The following UNC79 variants were observed in gnomAD, a reference collection of about 807,000 sequenced individuals.
UNC79 encodes the protein protein unc-79 homolog.
Under a neutral mutation model 283.1 loss-of-function variants are expected in UNC79, and 37 were observed. The ratio of observed to expected loss-of-function variants is 0.13; its 90% confidence interval spans 0.10 to 0.17. UNC79 has a LOEUF of 0.17. Among genes scored for constraint, UNC79 ranks in the 10% least tolerant of loss-of-function variants. The pLI, the probability that UNC79 is intolerant of heterozygous loss-of-function variation, is 1.00. For missense variants in UNC79, 2,272 were observed against 3,211.1 expected (o/e 0.71, Z 7.07); for synonymous variants, 1,107 against 1,200.2 (o/e 0.92, Z 1.61).
At chr14:93,448,603 A>G (rs1442790503) in intron 1 of UNC79, among the ~76,000 whole-genome samples, 2 of 152,134 alleles carry the variant, frequency 1.3e-5, no homozygotes, top group Non-Finnish European at 2.9e-5. Context: ...GATATAATGA[A>G]TGTTAAGTTT....
intron 41 of UNC79, among the ~76,000 whole-genome samples, chr14:93,680,585 A>G (rs1015323569): frequency 3.3e-5 from 5 of 152,060 alleles, no homozygotes; most frequent in Admixed American, 3.3e-4. Flanking sequence ...TTAGATAGCT[A>G]TTTATTTATT....
chr14:93,476,795 T>G (rs2057825028), intron 3 of UNC79, among the ~76,000 whole-genome samples: 1 of 152,314 alleles, frequency 6.6e-6, no homozygotes, highest in South Asian at 2.1e-4. Context: ...ATAGTTATGG[T>G]TTTGTTGCAT....
chr14:93,385,438 A>G (rs971530178), intron 1 of UNC79, among the ~76,000 whole-genome samples: 9 of 152,140 alleles, frequency 5.9e-5, no homozygotes, highest in African/African-American at 2.2e-4. Context: ...TGTAAATAGG[A>G]TTACTTTCTT....
chr14:93,431,709 C>T (rs1178480440), intron 1 of UNC79, among the ~76,000 whole-genome samples: 1 of 152,206 alleles, frequency 6.6e-6, no homozygotes, highest in Admixed American at 6.5e-5. Context: ...AAAGAGCAGG[C>T]TTCCTTTGTA....
intron 33 of UNC79, among the ~76,000 whole-genome samples, chr14:93,642,578 A>T (rs140411542): frequency 1.3e-5 from 2 of 152,288 alleles, no homozygotes; most frequent in Admixed American, 6.5e-5. Context: ...TGGAAGGTCC[A>T]CACAGGTCAT....
intron 1 of UNC79, among the ~76,000 whole-genome samples, chr14:93,395,444 A>G (rs144620504): frequency 6.5e-4 from 99 of 152,320 alleles, no homozygotes; most frequent in African/African-American, 2.1e-3. Flanking sequence ...ACATCTTACC[A>G]TGGTGGAGCA....
At chr14:93,447,162 G>A (rs930643052) in intron 1 of UNC79, among the ~76,000 whole-genome samples, 4 of 152,092 alleles carry the variant, frequency 2.6e-5, no homozygotes, top group Non-Finnish European at 5.9e-5. Flanking sequence ...GCTTTGAAAT[G>A]TATTTTATCT....
At chr14:93,446,823 ACTTGTTTTATGG>A (rs2056474676) in intron 1 of UNC79, among the ~76,000 whole-genome samples, 1 of 152,182 alleles carries the variant, frequency 6.6e-6, no homozygotes. Flanking sequence ...ATTTATTAAG[ACTTGTTTTATGG>A]CCTCAAATAT....
At chr14:93,533,656 A>G (rs2060932446) in intron 11 of UNC79, among the ~76,000 whole-genome samples, 1 of 152,078 alleles carries the variant, frequency 6.6e-6, no homozygotes, top group Non-Finnish European at 1.5e-5. Flanking sequence ...AGAGAGCCTC[A>G]CTCACTCAAG....
intron 12 of UNC79, among the ~76,000 whole-genome samples, chr14:93,538,963 T>G (rs1366260163): frequency 6.6e-6 from 1 of 151,670 alleles, no homozygotes; most frequent in Non-Finnish European, 1.5e-5. Context: ...AGTGCAGTGG[T>G]ACAATCTCGG....
chr14:93,648,606 G>C (rs759508033), intron 35 of UNC79, among the ~76,000 whole-genome samples: 5 of 152,142 alleles, frequency 3.3e-5, no homozygotes, highest in Non-Finnish European at 7.4e-5. Context: ...AGATGAGCAA[G>C]CCTGGATGAG....
At chr14:93,620,926 T>C (rs1233441845) in intron 29 of UNC79, 1 of 517,982 alleles carries the variant, frequency 1.9e-6, no homozygotes, top group Admixed American at 1.9e-5. Context: ...CTGATATTCA[T>C]GATACACCTA....
At chr14:93,544,493 C>T (rs1393142725) in intron 14 of UNC79, among the ~76,000 whole-genome samples, 3 of 152,122 alleles carry the variant, frequency 2.0e-5, no homozygotes, top group East Asian at 1.9e-4. Context: ...AACGGAAGTT[C>T]GGCTAAGATT....
At chr14:93,555,747 T>C (rs1338169431) in intron 14 of UNC79, among the ~76,000 whole-genome samples, 1 of 152,190 alleles carries the variant, frequency 6.6e-6, no homozygotes, top group East Asian at 1.9e-4. Context: ...ATCAATCTTT[T>C]GATTATCTGT....
rs376235836 is a variant in UNC79, at chr14:93,653,907, C to T, written c.6197-33C>T. The T allele has an allele frequency of 2.2e-5, 36 of 1,614,118 alleles. No homozygotes were observed. In the Admixed American group the frequency reaches 3.2e-4, roughly 14 times the overall value. On this transcript the variant is annotated intron_variant, in intron 36 of 48. Coordinates refer to ENST00000555664, the Ensembl canonical transcript of UNC79. ...CCACAAATTTGCCTCATCCCAGACA[C>T]CCAAACACTAAATCCGATCGTTGAC...
chr14:93,629,755 C>A (rs944197836), intron 30 of UNC79, among the ~76,000 whole-genome samples: 15 of 152,192 alleles, frequency 9.9e-5, no homozygotes, highest in African/African-American at 3.4e-4. Flanking sequence ...CAAGAAAAAA[C>A]AATTTGCACC....
In UNC79 at chr14:93,688,936, A is replaced by G; in HGVS notation, c.7085+96A>G. 2 of 1,343,134 alleles carry G rather than the reference A, an allele frequency of 1.5e-6. No homozygotes were observed. Among genetic ancestry groups the G allele is most frequent in the South Asian group, 1.5e-5 (1 of 65,164 alleles). The allele number at this position is 1,343,134 out of a possible 1,614,324, so 83.2% of individuals were successfully genotyped here. On this transcript the variant is annotated intron_variant, in intron 44 of 48. Coordinates refer to ENST00000555664, the Ensembl canonical transcript of UNC79. This position sits in a 1 kb window ranked among gnomAD's most constrained non-coding sequence, Gnocchi z 4.0. ...GCTAGAGTTAAGGAGTACACCGAAG[A>G]TTTATGACAGTGGAATATACTTGGT... is the stretch of plus-strand genomic sequence containing the variant.
At chr14:93,478,753 T>C (rs990114631) in intron 4 of UNC79, among the ~76,000 whole-genome samples, 4 of 152,240 alleles carry the variant, frequency 2.6e-5, no homozygotes, top group South Asian at 2.1e-4. Context: ...AAAAATACTT[T>C]CGTTGGTTAC....
intron 37 of UNC79, 57 bp downstream of exon 40, chr14:93,654,082 A>G (rs2070629941): frequency 6.8e-7 from 1 of 1,476,862 alleles, no homozygotes; most frequent in South Asian, 1.1e-5. Flanking sequence ...CCCCAGCACA[A>G]CTGTGGGCTG....
Sources: gnomAD v4.1 joint callset for allele counts (sites outside exome capture counted in the v4.1 genomes callset) on GRCh38, gnomAD v4.1.1 for gene constraint, Gnocchi (gnomAD v3.1) non-coding constraint, MANE v1.5 for transcripts, NCBI Gene and HGNC (gene_info 2026-07-23, HGNC 2026-07-21) for gene names.